SH3BP5: variants seen among roughly 807,000 people sequenced by gnomAD.
SH3BP5 encodes SH3 domain-binding protein 5.
Under a neutral mutation model 43.3 loss-of-function variants are expected in SH3BP5, and 22 were observed. The ratio of observed to expected loss-of-function variants is 0.51; its 90% CI spans 0.36 to 0.73. SH3BP5 has a LOEUF of 0.73. Among genes scored for constraint, SH3BP5 ranks in the 30% least tolerant of loss-of-function variants. The probability of loss-of-function intolerance (pLI) is 0.00; values close to 1 mark genes in which losing one functional copy is unlikely to be tolerated. For synonymous variants in SH3BP5, 255 were observed against 225.8 expected, an observed-to-expected ratio of 1.13 and a Z score of -1.16; for missense variants, 529 against 586.9, an observed-to-expected ratio of 0.90 and a Z score of 1.02.
intron 8 of SH3BP5, 128 bp downstream of exon 8, chr3:15,256,725 G>T: frequency 1.8e-6 from 2 of 1,120,510 alleles, no homozygotes; most frequent in Non-Finnish European, 2.5e-6. Flanking sequence ...AATACTGACA[G>T]CACAACCACA....
chr3:15,259,325 G>C (rs1233300174), intron 6 of SH3BP5: 5 of 555,320 alleles, frequency 9.0e-6, no homozygotes, highest in Non-Finnish European at 1.6e-5. Flanking sequence ...ATGGGCATCA[G>C]ACACACCAAA....
chr3:15,332,185 G>A lies in SH3BP5; in HGVS notation c.138+86C>T, dbSNP rs991860913. Reference sequence around the variant, plus strand: ...CAGTCCCCGGACCACAGTTACTGGGGGCTGCGAAGTGGCTGTACGCGTAGA... The same window carrying A: ...CAGTCCCCGGACCACAGTTACTGGGAGCTGCGAAGTGGCTGTACGCGTAGA... On this transcript the variant is annotated intron_variant, in intron 1 of 8. Transcript: ENST00000383791. 1.1e-5 allele frequency: 17 copies of A among 1,533,226 alleles called. No individual in the cohort carries two copies. In the African/African-American group the frequency reaches 2.3e-4, roughly 21 times the overall value. The allele number at this position is 1,533,226 out of a possible 1,614,324, so 95.0% of individuals were successfully genotyped here. A position where few individuals can be genotyped will look rare whatever the true frequency, so the allele number is the denominator to read the frequency against.
intron 1 of SH3BP5, among the ~76,000 whole-genome samples, chr3:15,340,363 A>G (rs1286113790): frequency 6.6e-6 from 1 of 152,226 alleles, no homozygotes; most frequent in Non-Finnish European, 1.5e-5. Flanking sequence ...GCCATCTATT[A>G]TGTGACAGCC....
At chr3:15,278,375 G>A (rs1358312275) in intron 3 of SH3BP5, among the ~76,000 whole-genome samples, 1 of 152,344 alleles carries the variant, frequency 6.6e-6, no homozygotes, top group South Asian at 2.1e-4. Context: ...AGACAAGGAT[G>A]TCTGTTCTCA....
Position 15,332,458 on chromosome 3 carries a change from G to A in SH3BP5, c.-50C>T, listed in dbSNP as rs544674825. On this transcript the variant is annotated 5_prime_UTR_variant, in exon 1 of 9. Transcript: ENST00000383791. ...GCAGTGGGCTCCGGAGCGCCCCGGG[G>A]GTCGCGGCTGCCACAGGCTGGGCTG... 26 of 1,462,046 alleles carry A rather than the reference G, an allele frequency of 1.8e-5. No individual in the cohort carries two copies. The East Asian group carries it at 3.3e-4, about 19-fold the overall frequency. The allele number at this position is 1,462,046 out of a possible 1,614,324, so 90.6% of individuals were successfully genotyped here. A position where few individuals can be genotyped will look rare whatever the true frequency, so the allele number is the denominator to read the frequency against.
intron 3 of SH3BP5, among the ~76,000 whole-genome samples, chr3:15,303,558 C>T (rs1697810982): frequency 6.6e-6 from 1 of 152,162 alleles, no homozygotes; most frequent in South Asian, 2.1e-4. Context: ...CCGCCACTCC[C>T]CTTCTGGTCT....
At chr3:15,340,809 T>C (rs1698756523) in intron 1 of SH3BP5, among the ~76,000 whole-genome samples, 1 of 151,456 alleles carries the variant, frequency 6.6e-6, no homozygotes, top group Non-Finnish European at 1.5e-5. Flanking sequence ...TCCTAGCACT[T>C]TGGGAAGCTG....
At chr3:15,288,322 G>A (rs745361430) in intron 3 of SH3BP5, among the ~76,000 whole-genome samples, 28 of 152,240 alleles carry the variant, frequency 1.8e-4, no homozygotes, top group Non-Finnish European at 4.4e-5. Context: ...CTGCAGCCCA[G>A]TCAAGCTGAC....
intron 2 of SH3BP5, among the ~76,000 whole-genome samples, chr3:15,316,783 T>G (rs1245151489): frequency 1.3e-5 from 2 of 150,222 alleles, no homozygotes; most frequent in South Asian, 2.1e-4. Context: ...AAAAACCTCA[T>G]GAGCCCTTTA....
chr3:15,310,962 A>T (rs953315687), intron 2 of SH3BP5, among the ~76,000 whole-genome samples: 11 of 152,130 alleles, frequency 7.2e-5, no homozygotes, highest in Admixed American at 4.6e-4. Flanking sequence ...AGCACACAGG[A>T]TGAGTCAGTG....
chr3:15,293,661 G>A (rs1697476501), intron 3 of SH3BP5, among the ~76,000 whole-genome samples: 1 of 152,206 alleles, frequency 6.6e-6, no homozygotes, highest in Non-Finnish European at 1.5e-5. Context: ...TGCCTCCTAT[G>A]TGCCAGGCAC....
chr3:15,320,029 C>A (rs994319860), intron 2 of SH3BP5, among the ~76,000 whole-genome samples: 3 of 151,998 alleles, frequency 2.0e-5, no homozygotes, highest in Non-Finnish European at 2.9e-5. Context: ...TTTCTTCTTC[C>A]AATAAAGCCA....
Position 15,269,746 on chromosome 3 carries a change from G to A in SH3BP5, c.462C>T (p.Ala154=), listed in dbSNP as rs1696746712. 1 of 1,609,928 alleles carries A rather than the reference G, an allele frequency of 6.2e-7. No homozygotes were observed. The highest frequency in any genetic ancestry group is 1.1e-5 in the South Asian group (1 of 90,704). Residue 154 remains alanine, a synonymous_variant, in exon 4 of 9, where the codon GCC becomes GCT. Coordinates refer to ENST00000383791, the MANE Select transcript of SH3BP5 (RefSeq NM_004844.5). ...TGGCGTGATTCAGCATCTCCTGCCA[G>A]GCGGAGTCGAACTGCCGCTTGTCAT... ...LEDDKRQFDS[A]WQEMLNHATQ...
chr3:15,319,341 G>A (rs1390411179), intron 2 of SH3BP5, among the ~76,000 whole-genome samples: 1 of 152,186 alleles, frequency 6.6e-6, no homozygotes. Context: ...AACCATTAAA[G>A]CACCTCAAGA....
intron 3 of SH3BP5, among the ~76,000 whole-genome samples, chr3:15,283,828 G>A (rs1697193532): frequency 6.6e-6 from 1 of 152,232 alleles, no homozygotes; most frequent in Non-Finnish European, 1.5e-5. Flanking sequence ...TGCCCTGATG[G>A]AGGGAGGATA....
At chr3:15,290,342 C>T (rs1697376813) in intron 3 of SH3BP5, among the ~76,000 whole-genome samples, 1 of 151,810 alleles carries the variant, frequency 6.6e-6, no homozygotes, top group South Asian at 2.1e-4. Flanking sequence ...CCCTGGCTAA[C>T]AGTGAAATCC....
At chr3:15,289,914 T>G (rs1019315019) in intron 3 of SH3BP5, among the ~76,000 whole-genome samples, 2 of 152,148 alleles carry the variant, frequency 1.3e-5, no homozygotes, top group African/African-American at 4.8e-5. Context: ...GAACCTTCAC[T>G]AAGCTGGCCT....
intron 3 of SH3BP5, among the ~76,000 whole-genome samples, chr3:15,281,081 C>T (rs371921734): frequency 1.1e-4 from 16 of 152,196 alleles, no homozygotes; most frequent in African/African-American, 3.9e-4. Context: ...GAGTAGCTGC[C>T]GGTTTCCAGT....
intron 3 of SH3BP5, among the ~76,000 whole-genome samples, chr3:15,285,443 A>G (rs1472836907): frequency 6.6e-6 from 1 of 152,178 alleles, no homozygotes; most frequent in African/African-American, 2.4e-5. Context: ...CCCAGATCCC[A>G]ATGGGGCTTC....
Sources: gnomAD v4.1 joint callset for allele counts (sites outside exome capture counted in the v4.1 genomes callset) on GRCh38, gnomAD v4.1.1 for gene constraint, MANE v1.5 for transcripts, NCBI Gene and HGNC (gene_info 2026-07-23, HGNC 2026-07-21) for gene names.